Variants in TSPAN5 observed in about 807,000 individuals in gnomAD.
The protein encoded by TSPAN5 is tetraspanin-5.
Under a neutral mutation model 37.1 loss-of-function variants are expected in TSPAN5, and 10 were observed. That is an observed-to-expected ratio of 0.27 (90% CI 0.17 to 0.46). TSPAN5 has a LOEUF of 0.46. Among genes scored for constraint, TSPAN5 ranks in the 20% least tolerant of loss-of-function variants. The pLI is 1.00. For missense variants in TSPAN5, 195 were observed against 326.6 expected, an observed-to-expected ratio of 0.60 and a Z score of 3.11; for synonymous variants, 110 against 118.9, an observed-to-expected ratio of 0.93 and a Z score of 0.48.
chr4:98,654,969 C>T (rs528949309), intron 1 of TSPAN5, among the ~76,000 whole-genome samples: 58 of 152,290 alleles, frequency 3.8e-4, no homozygotes, highest in African/African-American at 1.3e-3. Context: ...GCCTCAGCCT[C>T]CCGAGTAGCT....
chr4:98,486,314 G>C (rs1187092432), intron 3 of TSPAN5, among the ~76,000 whole-genome samples: 1 of 152,184 alleles, frequency 6.6e-6, no homozygotes, highest in African/African-American at 2.4e-5. Context: ...CTGCTTAACA[G>C]ATTTAATCTG....
chr4:98,626,570 C>T (rs557047609), intron 1 of TSPAN5, among the ~76,000 whole-genome samples: 47 of 152,094 alleles, frequency 3.1e-4, no homozygotes, highest in African/African-American at 1.1e-3. Context: ...GCCACCAGAC[C>T]GCCTCCTCCT....
intron 1 of TSPAN5, among the ~76,000 whole-genome samples, chr4:98,540,709 G>A (rs1480745709): frequency 6.6e-6 from 1 of 152,166 alleles, no homozygotes; most frequent in East Asian, 1.9e-4. Context: ...ATGCTACAGA[G>A]CAAATGTGAG....
intron 1 of TSPAN5, among the ~76,000 whole-genome samples, chr4:98,633,738 G>A (rs9991354): frequency 0.22 from 33,339 of 152,076 alleles, 3,868 homozygotes; most frequent in Middle Eastern, 0.3. Context: ...AAGGAACTCT[G>A]CCCATCCTCT....
At chr4:98,590,374 T>TA (rs1755595526) in intron 1 of TSPAN5, among the ~76,000 whole-genome samples, 1 of 152,126 alleles carries the variant, frequency 6.6e-6, no homozygotes, top group Non-Finnish European at 1.5e-5. Flanking sequence ...GAAAACTCTG[T>TA]AAAGTGGATA....
chr4:98,537,598 G>A (rs1400513061), intron 1 of TSPAN5, among the ~76,000 whole-genome samples: 1 of 152,222 alleles, frequency 6.6e-6, no homozygotes, highest in Non-Finnish European at 1.5e-5. Context: ...AAGGTGTAAT[G>A]AGCTTAGGTA....
chr4:98,628,064 G>A (rs140082800), intron 1 of TSPAN5, among the ~76,000 whole-genome samples: 36 of 152,256 alleles, frequency 2.4e-4, no homozygotes, highest in Middle Eastern at 3.4e-3. Flanking sequence ...ATAATAATCT[G>A]AGTAATCCAA....
At chr4:98,638,905 G>C (rs1756909973) in intron 1 of TSPAN5, among the ~76,000 whole-genome samples, 2 of 152,240 alleles carry the variant, frequency 1.3e-5, no homozygotes, top group Admixed American at 6.5e-5. Context: ...AGCTGCACAT[G>C]CAGTGAGCGT....
At chr4:98,635,709 A>G (rs965180304) in intron 1 of TSPAN5, among the ~76,000 whole-genome samples, 1 of 152,206 alleles carries the variant, frequency 6.6e-6, no homozygotes, top group African/African-American at 2.4e-5. Flanking sequence ...AAAAAGCACA[A>G]CATGCCAGAC....
At chr4:98,568,646 A>G (rs1284304009) in intron 1 of TSPAN5, among the ~76,000 whole-genome samples, 2 of 152,090 alleles carry the variant, frequency 1.3e-5, no homozygotes, top group African/African-American at 4.8e-5. Context: ...CCCACCAATA[A>G]CAGTTAGGGC....
chr4:98,654,892 G>A (rs1010316687), intron 1 of TSPAN5, among the ~76,000 whole-genome samples: 8 of 152,158 alleles, frequency 5.3e-5, no homozygotes, highest in Admixed American at 5.2e-4. Flanking sequence ...CTGTTGCCAG[G>A]CTGGAGTACA....
At chr4:98,533,267 T>C (rs1281157495) in intron 1 of TSPAN5, among the ~76,000 whole-genome samples, 1 of 152,122 alleles carries the variant, frequency 6.6e-6, no homozygotes. Context: ...AGGAATGGTA[T>C]CATCTCCTGT....
intron 1 of TSPAN5, among the ~76,000 whole-genome samples, chr4:98,534,318 G>A (rs923429450): frequency 3.3e-5 from 5 of 152,208 alleles, no homozygotes; most frequent in African/African-American, 1.2e-4. Context: ...CCATGTAGTT[G>A]TGTGGTTTTC....
intron 1 of TSPAN5, among the ~76,000 whole-genome samples, chr4:98,547,449 CATAAT>C (rs1418225321): frequency 6.6e-6 from 1 of 152,164 alleles, no homozygotes; most frequent in African/African-American, 2.4e-5. Context: ...GAGGCTCATC[CATAAT>C]ATATTTTGTT....
chr4:98,554,021 C>T (rs1440626214), intron 1 of TSPAN5, among the ~76,000 whole-genome samples: 1 of 151,824 alleles, frequency 6.6e-6, no homozygotes, highest in Non-Finnish European at 1.5e-5. Flanking sequence ...GAGCCGAGAT[C>T]ATGCCATTGC....
At chr4:98,495,554 A>G (rs1278324002) in intron 2 of TSPAN5, among the ~76,000 whole-genome samples, 2 of 151,034 alleles carry the variant, frequency 1.3e-5, no homozygotes, top group Non-Finnish European at 3.0e-5. Context: ...AAAAAAAAGG[A>G]CAAACCAGCT....
chr4:98,599,187 C>G (rs1307301157), intron 1 of TSPAN5, among the ~76,000 whole-genome samples: 1 of 152,100 alleles, frequency 6.6e-6, no homozygotes, highest in African/African-American at 2.4e-5. Flanking sequence ...TTCACCCAAG[C>G]TGGAGTGCAG....
At chr4:98,486,549 T>C in intron 3 of TSPAN5, 189 bp downstream of exon 3, 1 of 597,706 alleles carries the variant, frequency 1.7e-6, no homozygotes, top group Non-Finnish European at 2.9e-6. Context: ...GGGGGTGGTG[T>C]TGTACTTATT....
chr4:98,657,665 G>A (rs951101388), intron 1 of TSPAN5: 14 of 201,408 alleles, frequency 7.0e-5, no homozygotes, highest in Admixed American at 1.2e-4. Context: ...GATACACGCT[G>A]AGCATGGCAC....
Sources: allele counts gnomAD v4.1 joint callset (sites outside exome capture counted in the v4.1 genomes callset), GRCh38; gene constraint gnomAD v4.1.1; transcripts MANE v1.5; gene names NCBI Gene and HGNC (gene_info 2026-07-23, HGNC 2026-07-21).